Variants in MBD5 observed in about 807,000 individuals in gnomAD.
MBD5 encodes the protein methyl-CpG binding domain protein 5.
MBD5 carries 13 observed loss-of-function variants against 117.3 expected under a neutral mutation model. The observed-to-expected ratio is 0.11, with a 90% CI of 0.07 to 0.18. The LOEUF (loss-of-function observed/expected upper bound fraction) is 0.18. Ranked by LOEUF, MBD5 falls within the 10% of genes least tolerant of loss-of-function variation. The pLI, the probability that MBD5 is intolerant of heterozygous loss-of-function variation, is 1.00. For missense variants in MBD5, 1,879 were observed against 2,093.8 expected (o/e 0.90, Z 2.00); for synonymous variants, 727 against 766.4 (o/e 0.95, Z 0.85).
Position 148,314,470 on chromosome 2 carries a change from C to G in MBD5, c.-679-27744C>G, listed in dbSNP as rs1381606200. ...TCGGTTCACTGCAACCTCCACCTCC[C>G]AGGTTTAAGGGATTCTCCTATCTCA... On this transcript the variant is annotated intron_variant, in intron 3 of 13. Coordinates refer to ENST00000642680, the MANE Select transcript of MBD5 (RefSeq NM_001378120.1). 4.7e-5 allele frequency among the ~76,000 whole-genome samples: 7 copies of G among 149,616 alleles called. No individual in the cohort carries two copies. In the Admixed American group the frequency reaches 4.7e-4, roughly 10 times the overall value.
intron 1 of MBD5, among the ~76,000 whole-genome samples, chr2:148,150,901 G>A (rs985176115): frequency 5.3e-5 from 8 of 152,006 alleles, no homozygotes; most frequent in African/African-American, 9.7e-5. Context: ...GGACAATTTG[G>A]CTTCCTCTTT....
chr2:148,107,364 T>C (rs1479840618), intron 1 of MBD5, among the ~76,000 whole-genome samples: 1 of 152,060 alleles, frequency 6.6e-6, no homozygotes, highest in African/African-American at 2.4e-5. Context: ...TATTCTTTTT[T>C]ATTTATCCCA....
chr2:148,237,415 A>T (rs1191486968), intron 3 of MBD5, among the ~76,000 whole-genome samples: 3 of 152,174 alleles, frequency 2.0e-5, no homozygotes, highest in Non-Finnish European at 4.4e-5. Flanking sequence ...AGAGGCAATT[A>T]TAGGTTATTA....
intron 1 of MBD5, chr2:148,071,807 A>G (rs958385192): frequency 6.6e-6 from 1 of 152,218 alleles, no homozygotes; most frequent in African/African-American, 2.4e-5. Context: ...TACGTTGGCT[A>G]TCTCTCTTTT....
chr2:148,493,948 A>G (rs956162064), intron 11 of MBD5, among the ~76,000 whole-genome samples: 6 of 152,206 alleles, frequency 3.9e-5, no homozygotes, highest in African/African-American at 1.4e-4. Flanking sequence ...CATAGTAGGT[A>G]TATTAATCTC....
At chr2:148,385,370 C>G (rs1704318421) in intron 4 of MBD5, among the ~76,000 whole-genome samples, 1 of 152,214 alleles carries the variant, frequency 6.6e-6, no homozygotes, top group South Asian at 2.1e-4. Context: ...TACTCATCAT[C>G]ACTGGCCATC....
intron 4 of MBD5, among the ~76,000 whole-genome samples, chr2:148,418,138 C>G (rs1024689314): frequency 6.6e-6 from 1 of 152,192 alleles, no homozygotes; most frequent in African/African-American, 2.4e-5. Flanking sequence ...CCACGCCCAG[C>G]CTTATTTATT....
rs377621621 is a variant in MBD5 at position 148,048,138 on chromosome 2, G to A, written c.-925+26454G>A. On this transcript the variant is annotated intron_variant, in intron 1 of 13. Coordinates refer to ENST00000642680, the MANE Select transcript of MBD5 (RefSeq NM_001378120.1). ...TCCTGAAACATTCTGTCTCTGTAAAGCATCATTTTACCTGTTCAAAAAAAG... is the reference window on the plus strand; with the variant it reads ...TCCTGAAACATTCTGTCTCTGTAAAACATCATTTTACCTGTTCAAAAAAAG... Among the ~76,000 whole-genome samples, 21 of 152,198 alleles carry A rather than the reference G, an allele frequency of 1.4e-4. No individual in the cohort carries two copies. The East Asian group carries it at 4.1e-3, about 29-fold the overall frequency.
At position 148,458,460 on chromosome 2, in the gene MBD5, C is replaced by G. The variant is rs966041344; in HGVS notation, c.-299C>G. 4 of 574,636 alleles carry G rather than the reference C, an allele frequency of 7.0e-6. No homozygotes were observed. In the African/African-American group the frequency reaches 7.5e-5, roughly 11 times the overall value. The allele number at this position is 574,636 out of a possible 1,614,324, so 35.6% of individuals were successfully genotyped here. ...TCCCCACCCCCACTTCAGACAGGTACCAGCATTGGTGAATTATGATTTTCC... is the reference window on the plus strand; with the variant it reads ...TCCCCACCCCCACTTCAGACAGGTAGCAGCATTGGTGAATTATGATTTTCC... On this transcript the variant is annotated 5_prime_UTR_variant, in exon 5 of 14. Transcript: ENST00000642680.
chr2:148,085,451 G>T (rs549694886), intron 1 of MBD5, among the ~76,000 whole-genome samples: 6 of 152,290 alleles, frequency 3.9e-5, no homozygotes, highest in Admixed American at 3.9e-4. Context: ...GCGGCCGGGC[G>T]CGGTGGCTCA....
At chr2:148,485,290 G>A (rs994352559) in intron 9 of MBD5, 2 of 161,428 alleles carry the variant, frequency 1.2e-5, no homozygotes, top group Admixed American at 1.2e-4. Flanking sequence ...ATCTATTGAT[G>A]ATTATGGCTT....
At chr2:148,325,192 A>C (rs1446087771) in intron 3 of MBD5, among the ~76,000 whole-genome samples, 1 of 152,136 alleles carries the variant, frequency 6.6e-6, no homozygotes, top group Non-Finnish European at 1.5e-5. Context: ...AGCCCACCTG[A>C]TCATGGTGGA....
intron 1 of MBD5, among the ~76,000 whole-genome samples, chr2:148,046,018 G>T (rs10186643): frequency 0.36 from 48,066 of 135,388 alleles, 8,601 homozygotes; most frequent in East Asian, 0.52. Context: ...AGAGTCTCGC[G>T]GTGTTGCCAG....
intron 1 of MBD5, among the ~76,000 whole-genome samples, chr2:148,159,165 ATTC>A (rs1293502470): frequency 6.6e-6 from 1 of 152,212 alleles, no homozygotes. Context: ...AAACACTCTT[ATTC>A]TGTTTCCAAA....
chr2:148,360,625 A>T (rs935475373), intron 4 of MBD5, among the ~76,000 whole-genome samples: 1 of 152,142 alleles, frequency 6.6e-6, no homozygotes, highest in Admixed American at 6.5e-5. Context: ...CCCTATTCAC[A>T]GTATTCAAAG....
chr2:148,266,362 C>A (rs1446944699), intron 3 of MBD5, among the ~76,000 whole-genome samples: 1 of 151,898 alleles, frequency 6.6e-6, no homozygotes, highest in African/African-American at 2.4e-5. Context: ...AAGAAAAACT[C>A]TTGGCACATT....
In MBD5 at chr2:148,468,924, G is replaced by T; in HGVS notation, c.981G>T (p.Met327Ile). ...CTAATATGGAAATACCACGAGCAAT[G>T]TTCCACCACAAACCACCCCAAGGCC... is the stretch of plus-strand genomic sequence containing the variant. ...FSTNMEIPRA[M>I]FHHKPPQGPP... The change falls in exon 8 of 14, where the codon ATG becomes ATT. Residue 327 changes from methionine (M) to isoleucine (I), a missense_variant. By Grantham distance (10) the Met-to-Ile change is conservative. Transcript: ENST00000642680. 1.2e-6 allele frequency: 2 copies of T among 1,613,778 alleles called. No individual in the cohort carries two copies. The highest frequency in any genetic ancestry group is 8.5e-7 in the Non-Finnish European group (1 of 1,179,890).
At chr2:148,177,080 C>A (rs1047098861) in intron 1 of MBD5, among the ~76,000 whole-genome samples, 1 of 152,054 alleles carries the variant, frequency 6.6e-6, no homozygotes, top group Non-Finnish European at 1.5e-5. Context: ...TTTAGTATGT[C>A]TATATTGATT....
intron 10 of MBD5, 92 bp from the exon 11 acceptor site, chr2:148,489,294 G>T (rs925522789): frequency 5.0e-5 from 74 of 1,468,942 alleles, no homozygotes; most frequent in Non-Finnish European, 6.7e-5. Context: ...ATATTTGTTT[G>T]TCTTTTGGTA....
Sources: gnomAD v4.1 joint callset for allele counts (sites outside exome capture counted in the v4.1 genomes callset) on GRCh38, gnomAD v4.1.1 for gene constraint, MANE v1.5 for transcripts, NCBI Gene and HGNC (gene_info 2026-07-23, HGNC 2026-07-21) for gene names.